UGGT2: variants seen among roughly 807,000 people sequenced by gnomAD.
UGGT2 encodes UDP-glucose glycoprotein glucosyltransferase 2.
UGGT2 carries 180 observed loss-of-function variants against 192.1 expected under a neutral mutation model. The ratio of observed to expected loss-of-function variants is 0.94; its 90% CI spans 0.83 to 1.06. The LOEUF is 1.06. UGGT2 is among the 50% of genes least tolerant of loss of function. The pLI is 0.00. For missense variants in UGGT2, 1,849 were observed against 1,795.7 expected (o/e 1.03, Z -0.54); for synonymous variants, 580 against 591.0 (o/e 0.98, Z 0.27).
chr13:95,830,009 G>A (rs1566557349), intron 38 of UGGT2, among the ~76,000 whole-genome samples: 3 of 152,156 alleles, frequency 2.0e-5, no homozygotes, highest in Admixed American at 6.5e-5. Context: ...TGACAAACCT[G>A]ACAAAAACAA....
intron 2 of UGGT2, among the ~76,000 whole-genome samples, chr13:96,030,328 A>G (rs567212117): frequency 2.5e-4 from 38 of 152,200 alleles, no homozygotes; most frequent in African/African-American, 8.2e-4. Flanking sequence ...TGTCTCCTTC[A>G]TTGTTTCACA....
chr13:95,910,899 C>T (rs997060559), intron 20 of UGGT2, among the ~76,000 whole-genome samples: 3 of 152,208 alleles, frequency 2.0e-5, no homozygotes, highest in Admixed American at 6.5e-5. Context: ...TCTCAGATCA[C>T]AGTGCAATCA....
At chr13:96,053,112 G>T in intron 1 of UGGT2, 43 bp downstream of exon 1, 1 of 1,429,860 alleles carries the variant, frequency 7.0e-7, no homozygotes, top group Non-Finnish European at 9.1e-7. Context: ...GAGGGTGGCA[G>T]CGCGCCCACA....
At chr13:95,965,019 T>C (rs2050522848) in intron 12 of UGGT2, among the ~76,000 whole-genome samples, 3 of 150,762 alleles carry the variant, frequency 2.0e-5, no homozygotes, top group Non-Finnish European at 3.0e-5. Context: ...ATCAGAGAAA[T>C]GCAAATCAAA....
At chr13:95,832,769 C>T (rs757527822) in intron 38 of UGGT2, 158 bp downstream of exon 38, 3 of 1,061,028 alleles carry the variant, frequency 2.8e-6, no homozygotes, top group African/African-American at 1.6e-5. Flanking sequence ...AACTTGTAAG[C>T]TTAGTCTACA....
rs949396262 is a variant in UGGT2 at position 95,928,232 on chromosome 13, C to T, written c.1978-896G>A. 1.3e-4 allele frequency among the ~76,000 whole-genome samples: 19 copies of T among 151,812 alleles called. No homozygotes were observed. In the East Asian group the frequency reaches 2.5e-3, roughly 20 times the overall value. On this transcript the variant is annotated intron_variant, in intron 17 of 38. Transcript: ENST00000376747. The stretch of plus-strand genomic sequence containing the variant: ...GCAGAGGCGCCCCCCACCTCCCGGA[C>T]GGGGCAGCTGGCCGGGCAGGGGCTG...
At chr13:96,039,447 G>A (rs2053101946) in intron 1 of UGGT2, among the ~76,000 whole-genome samples, 1 of 152,120 alleles carries the variant, frequency 6.6e-6, no homozygotes, top group East Asian at 1.9e-4. Context: ...AGCTTCTGGG[G>A]AGATGGTTGA....
chr13:95,947,460 A>C (rs9525094), intron 14 of UGGT2, among the ~76,000 whole-genome samples: 1 of 149,228 alleles, frequency 6.7e-6, no homozygotes, highest in African/African-American at 2.5e-5. Context: ...TTTTATTTTT[A>C]TTTTTTTTGA....
chr13:95,868,326 T>A lies in UGGT2; in HGVS notation c.3474-903A>T, dbSNP rs1214188080. 2.0e-5 allele frequency among the ~76,000 whole-genome samples: 3 copies of A among 152,290 alleles called. No homozygotes were observed. The East Asian group carries it at 5.8e-4, about 29-fold the overall frequency. On this transcript the variant is annotated intron_variant, in intron 29 of 38. Coordinates refer to ENST00000376747, the MANE Select transcript of UGGT2 (RefSeq NM_020121.4). Reference sequence around the variant, plus strand: ...GAAAACAGAAAGAAGCCAGGTGTGATGGCTTACACCTGTGACCCCAGCACT... The same window carrying A: ...GAAAACAGAAAGAAGCCAGGTGTGAAGGCTTACACCTGTGACCCCAGCACT...
intron 26 of UGGT2, among the ~76,000 whole-genome samples, chr13:95,887,650 T>C (rs534837101): frequency 6.6e-6 from 1 of 152,320 alleles, no homozygotes; most frequent in Non-Finnish European, 1.5e-5. Context: ...AAAATACCTA[T>C]GAATAAATAT....
chr13:95,865,902 T>G (rs1890611349), intron 30 of UGGT2, among the ~76,000 whole-genome samples: 1 of 152,222 alleles, frequency 6.6e-6, no homozygotes, highest in South Asian at 2.1e-4. Flanking sequence ...TATATTCTAT[T>G]GTTAACCCCA....
intron 17 of UGGT2, among the ~76,000 whole-genome samples, chr13:95,934,894 TTAAGA>T (rs1444592737): frequency 6.6e-6 from 1 of 152,212 alleles, no homozygotes; most frequent in Non-Finnish European, 1.5e-5. Flanking sequence ...CGCAGCTGCC[TTAAGA>T]TTTTTCATAG....
chr13:95,957,415 C>A (rs897762367), intron 12 of UGGT2, among the ~76,000 whole-genome samples: 5 of 152,182 alleles, frequency 3.3e-5, no homozygotes, highest in Admixed American at 3.3e-4. Context: ...TCCTTATGGA[C>A]TGGAATTCCT....
chr13:95,974,874 G>A (rs1252572272), intron 10 of UGGT2, among the ~76,000 whole-genome samples: 2 of 152,072 alleles, frequency 1.3e-5, no homozygotes, highest in Non-Finnish European at 2.9e-5. Flanking sequence ...TTGAGGTCAG[G>A]AGTATGAGAC....
In UGGT2 at chr13:95,811,605, T is replaced by C. The variant is rs4597183; in HGVS notation, c.4529-9793A>G. 3.6e-3 allele frequency among the ~76,000 whole-genome samples: 548 copies of C among 152,296 alleles called. 6 individuals are homozygous for C. The highest frequency in any genetic ancestry group is 0.012 in the African/African-American group (518 of 41,562). On this transcript the variant is annotated intron_variant, in intron 38 of 38. Transcript: ENST00000376747. ...GAACTATACACTTTGAATTAGTGAA[T>C]TGTAAAGTATGTGAATTATATAACA...
At chr13:95,912,241 G>A (rs1418100217) in intron 20 of UGGT2, among the ~76,000 whole-genome samples, 2 of 152,184 alleles carry the variant, frequency 1.3e-5, no homozygotes, top group East Asian at 3.8e-4. Flanking sequence ...GGCCAGGGCA[G>A]TCAGGCAAGA....
At chr13:95,844,776 TTTTA>T (rs1888223273) in intron 36 of UGGT2, among the ~76,000 whole-genome samples, 1 of 152,052 alleles carries the variant, frequency 6.6e-6, no homozygotes, top group African/African-American at 2.4e-5. Context: ...TCTGGATGCC[TTTTA>T]TTTTTTTTCT....
intron 5 of UGGT2, among the ~76,000 whole-genome samples, chr13:96,002,750 A>C (rs2051847973): frequency 6.6e-6 from 1 of 152,230 alleles, no homozygotes; most frequent in Admixed American, 6.5e-5. Context: ...CACTGAGGGA[A>C]AAAACACATT....
chr13:96,037,640 T>C (rs2053044303), intron 1 of UGGT2, among the ~76,000 whole-genome samples: 1 of 152,248 alleles, frequency 6.6e-6, no homozygotes, highest in African/African-American at 2.4e-5. Context: ...TATGCATTTA[T>C]AGATTTTGGT....
Sources: allele counts gnomAD v4.1 joint callset (sites outside exome capture counted in the v4.1 genomes callset), GRCh38; gene constraint gnomAD v4.1.1; transcripts MANE v1.5; gene names NCBI Gene and HGNC (gene_info 2026-07-23, HGNC 2026-07-21).